The following HS3ST4 variants were observed in gnomAD, a reference collection of about 807,000 sequenced individuals.
HS3ST4 encodes the protein heparan sulfate glucosamine 3-O-sulfotransferase 4.
Under a neutral mutation model 29.2 loss-of-function variants are expected in HS3ST4, and 17 were observed. The ratio of observed to expected loss-of-function variants is 0.58; its 90% CI spans 0.40 to 0.87. HS3ST4 has a LOEUF of 0.87. Among genes scored for constraint, HS3ST4 ranks in the 40% least tolerant of loss-of-function variants. The probability of loss-of-function intolerance (pLI) is 0.00; values close to 1 mark genes in which losing one functional copy is unlikely to be tolerated. For synonymous variants in HS3ST4, 314 were observed against 285.7 expected (o/e 1.10, Z -1.00); for missense variants, 627 against 634.5 (o/e 0.99, Z 0.13).
chr16:25,747,465 T>A lies in HS3ST4; in HGVS notation c.734+54314T>A, dbSNP rs77010584. 5.7e-3 allele frequency among the ~76,000 whole-genome samples: 864 copies of A among 152,374 alleles called. 8 individuals are homozygous for A. Among genetic ancestry groups the A allele is most frequent in the African/African-American group, 0.02 (819 of 41,594 alleles). ...ATGTGGCAGTCCAGAACTCGCAACC[T>A]GTGGTGGCAGAGCATTCCACATTTC... On this transcript the variant is annotated intron_variant, in intron 1 of 1. Transcript: ENST00000331351.
chr16:25,858,180 T>A (rs929548082), intron 1 of HS3ST4, among the ~76,000 whole-genome samples: 1 of 151,824 alleles, frequency 6.6e-6, no homozygotes, highest in Non-Finnish European at 1.5e-5. Context: ...TTATAATCAA[T>A]GCTTACAGGT....
chr16:25,983,812 A>T (rs116469298), intron 1 of HS3ST4, among the ~76,000 whole-genome samples: 10 of 152,340 alleles, frequency 6.6e-5, no homozygotes, highest in African/African-American at 2.4e-4. Context: ...ACTCACACAG[A>T]TAGTAATTTC....
chr16:25,833,495 A>G (rs923657412), intron 1 of HS3ST4, among the ~76,000 whole-genome samples: 2 of 152,232 alleles, frequency 1.3e-5, no homozygotes, highest in Non-Finnish European at 2.9e-5. Flanking sequence ...CAACCCATGT[A>G]AGGAACTTAG....
intron 1 of HS3ST4, among the ~76,000 whole-genome samples, chr16:26,095,773 G>A (rs7500219): frequency 0.54 from 81,823 of 151,992 alleles, 22,785 homozygotes; most frequent in African/African-American, 0.67. Flanking sequence ...GATCAGAGCA[G>A]AACTGAAAGA....
At chr16:25,846,210 G>A (rs539766388) in intron 1 of HS3ST4, among the ~76,000 whole-genome samples, 1 of 152,178 alleles carries the variant, frequency 6.6e-6, no homozygotes, top group African/African-American at 2.4e-5. Flanking sequence ...AAGCTGCAAG[G>A]AAGTTTATGC....
intron 1 of HS3ST4, among the ~76,000 whole-genome samples, chr16:26,054,269 G>GGAGAAAGAGAGA (rs1555481159): frequency 3.8e-4 from 51 of 133,734 alleles, no homozygotes; most frequent in African/African-American, 1.4e-3. Context: ...ACAGAGAGAG[G>GGAGAAAGAGAGA]GAGAGAGAGA....
At chr16:25,916,577 G>A (rs1477448357) in intron 1 of HS3ST4, among the ~76,000 whole-genome samples, 3 of 150,752 alleles carry the variant, frequency 2.0e-5, no homozygotes, top group South Asian at 2.1e-4. Flanking sequence ...GGTCAGGCTC[G>A]TCTGAAACTC....
intron 1 of HS3ST4, among the ~76,000 whole-genome samples, chr16:25,969,704 G>A (rs1968878099): frequency 6.6e-6 from 1 of 152,172 alleles, no homozygotes; most frequent in African/African-American, 2.4e-5. Context: ...TAGGAGGCTG[G>A]CATACTGCAG....
chr16:26,001,770 A>C (rs967173560), intron 1 of HS3ST4, among the ~76,000 whole-genome samples: 1 of 152,116 alleles, frequency 6.6e-6, no homozygotes, highest in African/African-American at 2.4e-5. Flanking sequence ...GAGGCTCTGA[A>C]GTTTCAGTGT....
intron 1 of HS3ST4, among the ~76,000 whole-genome samples, chr16:25,872,154 C>A (rs191855416): frequency 6.6e-6 from 1 of 152,278 alleles, no homozygotes; most frequent in African/African-American, 2.4e-5. Context: ...TAAATAGGTG[C>A]ATGCAAGCTG....
intron 1 of HS3ST4, among the ~76,000 whole-genome samples, chr16:25,729,264 T>G (rs1001938242): frequency 2.6e-5 from 4 of 152,168 alleles, no homozygotes; most frequent in Non-Finnish European, 5.9e-5. Flanking sequence ...ACACAGCGTT[T>G]GGAAGATGAC....
At chr16:25,858,134 T>C (rs1450632142) in intron 1 of HS3ST4, among the ~76,000 whole-genome samples, 1 of 151,414 alleles carries the variant, frequency 6.6e-6, no homozygotes, top group Non-Finnish European at 1.5e-5. Context: ...ACTCTTTCCT[T>C]CATGTTCCCT....
chr16:25,904,388 A>G (rs563549141), intron 1 of HS3ST4, among the ~76,000 whole-genome samples: 2 of 152,338 alleles, frequency 1.3e-5, no homozygotes, highest in East Asian at 1.9e-4. Flanking sequence ...CATATCCTTC[A>G]TCTTGGTGTC....
intron 1 of HS3ST4, among the ~76,000 whole-genome samples, chr16:25,764,044 A>G (rs1966804004): frequency 6.6e-6 from 1 of 152,196 alleles, no homozygotes. Context: ...GAGCTGATGA[A>G]GGAGAATGCG....
At chr16:25,756,950 G>A (rs1048694394) in intron 1 of HS3ST4, among the ~76,000 whole-genome samples, 14 of 152,074 alleles carry the variant, frequency 9.2e-5, no homozygotes, top group Admixed American at 5.2e-4. Flanking sequence ...CTATACATAC[G>A]TCTTATCTCT....
At chr16:25,977,630 C>T (rs1968956744) in intron 1 of HS3ST4, among the ~76,000 whole-genome samples, 2 of 152,294 alleles carry the variant, frequency 1.3e-5, no homozygotes, top group African/African-American at 4.8e-5. Flanking sequence ...TTTTGAAAAC[C>T]CTGTTCCCAA....
At chr16:25,900,180 C>T (rs529814810) in intron 1 of HS3ST4, among the ~76,000 whole-genome samples, 6 of 148,250 alleles carry the variant, frequency 4.0e-5, no homozygotes, top group South Asian at 2.2e-4. Context: ...AAATAGGGTA[C>T]GTGGTAGTAT....
At chr16:25,933,215 T>C (rs1187264780) in intron 1 of HS3ST4, among the ~76,000 whole-genome samples, 2 of 152,210 alleles carry the variant, frequency 1.3e-5, no homozygotes, top group Non-Finnish European at 2.9e-5. Context: ...TAATTACTTA[T>C]GTGGAGGCGA....
At chr16:25,846,898 C>T (rs941474095) in intron 1 of HS3ST4, among the ~76,000 whole-genome samples, 1 of 152,000 alleles carries the variant, frequency 6.6e-6, no homozygotes, top group African/African-American at 2.4e-5. Context: ...GTGTTCCACT[C>T]ATTCATCTCT....
Sources: gnomAD v4.1 joint callset for allele counts (sites outside exome capture counted in the v4.1 genomes callset) on GRCh38, gnomAD v4.1.1 for gene constraint, MANE v1.5 for transcripts, NCBI Gene and HGNC (gene_info 2026-07-23, HGNC 2026-07-21) for gene names.